NRXN3: variants seen among roughly 807,000 people sequenced by gnomAD.
The protein encoded by NRXN3 is neurexin III.
NRXN3 carries 32 observed loss-of-function variants against 137.6 expected under a neutral mutation model. The ratio of observed to expected loss-of-function variants is 0.23; its 90% CI spans 0.18 to 0.31. The LOEUF (loss-of-function observed/expected upper bound fraction) is 0.31. Ranked by LOEUF, NRXN3 falls within the 10% of genes least tolerant of loss-of-function variation. The pLI is 1.00. For missense variants in NRXN3, 1,574 were observed against 2,062.5 expected, an observed-to-expected ratio of 0.76 and a Z score of 4.59; for synonymous variants, 798 against 784.5, an observed-to-expected ratio of 1.02 and a Z score of -0.29.
At chr14:79,279,234 G>T in intron 15 of NRXN3, 1 of 485,344 alleles carries the variant, frequency 2.1e-6, no homozygotes, top group Non-Finnish European at 2.7e-6. Context: ...AATGGGAAGG[G>T]CCGGGATTCC....
intron 10 of NRXN3, among the ~76,000 whole-genome samples, chr14:78,846,558 G>T (rs1159777705): frequency 6.6e-6 from 1 of 152,044 alleles, no homozygotes; most frequent in Admixed American, 6.6e-5. Flanking sequence ...ATAAACAGGT[G>T]GTTATAAAGT....
At chr14:78,524,527 G>A (rs1599867563) in intron 4 of NRXN3, among the ~76,000 whole-genome samples, 1 of 152,152 alleles carries the variant, frequency 6.6e-6, no homozygotes, top group South Asian at 2.1e-4. Flanking sequence ...ACCTAAGACC[G>A]ATTGAATCAG....
intron 4 of NRXN3, among the ~76,000 whole-genome samples, chr14:78,582,749 A>G (rs2097015287): frequency 6.6e-6 from 1 of 152,226 alleles, no homozygotes; most frequent in Non-Finnish European, 1.5e-5. Context: ...AGCCTATGGT[A>G]TTCCACTATA....
intron 4 of NRXN3, among the ~76,000 whole-genome samples, chr14:78,316,869 G>A (rs1454460608): frequency 6.6e-6 from 1 of 152,192 alleles, no homozygotes; most frequent in Non-Finnish European, 1.5e-5. Context: ...TAAGATGGCT[G>A]ATGGCCATTC....
chr14:79,383,387 G>A (rs1437895711), intron 15 of NRXN3, among the ~76,000 whole-genome samples: 1 of 152,108 alleles, frequency 6.6e-6, no homozygotes, highest in East Asian at 1.9e-4. Context: ...CTTGGACAAA[G>A]GGAGTAATTT....
intron 15 of NRXN3, among the ~76,000 whole-genome samples, chr14:79,115,061 C>A (rs1362748200): frequency 6.6e-6 from 1 of 152,106 alleles, no homozygotes; most frequent in Non-Finnish European, 1.5e-5. Flanking sequence ...CACGGTGGCT[C>A]ACGCCTGTAA....
intron 15 of NRXN3, among the ~76,000 whole-genome samples, chr14:79,454,202 A>G (rs12888258): frequency 0.28 from 42,751 of 151,740 alleles, 6,505 homozygotes; most frequent in Admixed American, 0.4. Flanking sequence ...TGTTGCCTCA[A>G]CCTTCCAAGA....
At chr14:78,918,112 C>T (rs372624974) in intron 10 of NRXN3, among the ~76,000 whole-genome samples, 3 of 150,780 alleles carry the variant, frequency 2.0e-5, no homozygotes, top group Non-Finnish European at 3.0e-5. Flanking sequence ...ATGGAGAAAC[C>T]TCGTCTCTAC....
intron 6 of NRXN3, among the ~76,000 whole-genome samples, chr14:78,694,432 G>C (rs941365458): frequency 2.6e-5 from 4 of 151,912 alleles, no homozygotes; most frequent in Non-Finnish European, 5.9e-5. Context: ...TGATCAATAA[G>C]TAGTGTCTGA....
At chr14:79,678,768 T>A (rs1305854559) in intron 17 of NRXN3, among the ~76,000 whole-genome samples, 1 of 152,156 alleles carries the variant, frequency 6.6e-6, no homozygotes, top group Non-Finnish European at 1.5e-5. Flanking sequence ...GGTACATCAA[T>A]AGATACTGCA....
intron 10 of NRXN3, among the ~76,000 whole-genome samples, chr14:78,952,472 C>G (rs1413029014): frequency 1.3e-5 from 2 of 152,100 alleles, no homozygotes; most frequent in Non-Finnish European, 2.9e-5. Context: ...TCTGTTTTGT[C>G]TGGGGAGGAT....
intron 15 of NRXN3, among the ~76,000 whole-genome samples, chr14:79,133,956 A>G (rs1252229064): frequency 1.3e-5 from 2 of 150,406 alleles, no homozygotes; most frequent in Non-Finnish European, 3.0e-5. Context: ...AAAAAAGGAA[A>G]GAAAAAAGAA....
chr14:79,849,874 G>A (rs956097241), intron 20 of NRXN3, among the ~76,000 whole-genome samples: 1 of 152,084 alleles, frequency 6.6e-6, no homozygotes, highest in African/African-American at 2.4e-5. Context: ...CACCCTCCAT[G>A]TCTACAGAAG....
chr14:79,131,339 T>G (rs1467296538), intron 15 of NRXN3, among the ~76,000 whole-genome samples: 4 of 151,996 alleles, frequency 2.6e-5, no homozygotes, highest in African/African-American at 9.7e-5. Context: ...ATGATGGTGA[T>G]GTACAGATGG....
At chr14:79,701,994 A>G (rs1351297366) in intron 19 of NRXN3, among the ~76,000 whole-genome samples, 1 of 152,066 alleles carries the variant, frequency 6.6e-6, no homozygotes, top group Non-Finnish European at 1.5e-5. Flanking sequence ...AGATCCTCTC[A>G]GGCAAATATC....
At chr14:79,273,590 C>T (rs963193764) in intron 15 of NRXN3, among the ~76,000 whole-genome samples, 2 of 152,178 alleles carry the variant, frequency 1.3e-5, no homozygotes, top group Admixed American at 1.3e-4. Context: ...GCCAAGATCG[C>T]GCCACTGCAC....
chr14:78,458,991 A>T (rs771637245), intron 4 of NRXN3, among the ~76,000 whole-genome samples: 2 of 152,202 alleles, frequency 1.3e-5, no homozygotes. Flanking sequence ...CACTTGGAAG[A>T]TGTCCCTTTA....
intron 15 of NRXN3, among the ~76,000 whole-genome samples, chr14:79,029,260 A>G (rs962683990): frequency 6.6e-6 from 1 of 152,096 alleles, no homozygotes; most frequent in African/African-American, 2.4e-5. Context: ...GTCTCCAATT[A>G]ATTTGTAGCC....
chr14:79,126,485 C>G (rs1264835553), intron 15 of NRXN3, among the ~76,000 whole-genome samples: 2 of 152,056 alleles, frequency 1.3e-5, no homozygotes, highest in Non-Finnish European at 2.9e-5. Flanking sequence ...TCATCCATGT[C>G]CCTACAAAGG....
Sources: allele counts gnomAD v4.1 joint callset (sites outside exome capture counted in the v4.1 genomes callset), GRCh38; gene constraint gnomAD v4.1.1; transcripts MANE v1.5; gene names NCBI Gene and HGNC (gene_info 2026-07-23, HGNC 2026-07-21).